The following NOL7 variants were observed in gnomAD, a reference collection of about 807,000 sequenced individuals.
The protein encoded by NOL7 is nucleolar protein 7.
A neutral mutation model predicts 38.4 loss-of-function variants in NOL7; 36 were observed. The observed-to-expected ratio is 0.94, with a 90% CI of 0.72 to 1.24. The LOEUF (loss-of-function observed/expected upper bound fraction) is 1.24. Among genes scored for constraint, NOL7 ranks in the 50% most tolerant of loss-of-function variants. NOL7 has a pLI of 0.00. For synonymous variants in NOL7, 142 were observed against 126.5 expected (o/e 1.12, Z -0.82); for missense variants, 350 against 315.1 (o/e 1.11, Z -0.84).
Position 13,620,432 on chromosome 6 carries a change from A to G in NOL7, c.647A>G (p.Asn216Ser), listed in dbSNP as rs376188783. 247 of 1,614,014 alleles carry G rather than the reference A, an allele frequency of 1.5e-4. No individual in the cohort carries two copies. Among genetic ancestry groups the G allele is most frequent in the Non-Finnish European group, 2.0e-4 (234 of 1,179,984 alleles). The change falls in exon 7 of 8, where the codon AAC (asparagine) becomes AGC (serine). Residue 216 changes from asparagine to serine, a missense_variant. Transcript: ENST00000451315. ...TTVNKFLSLA[N>S]KRLPVKRAAV... is the part of the protein sequence containing the mutation. ...GTAAATAAGTTCCTGTCTCTTGCCA[A>G]CAAGAGGTTACCAGTGAAAAGAGCT... is the stretch of plus-strand genomic sequence containing the variant.
downstream of NOL7, among the ~76,000 whole-genome samples, chr6:13,623,808 T>A (rs1764526274): frequency 1.3e-5 from 2 of 152,172 alleles, no homozygotes; most frequent in African/African-American, 4.8e-5. Context: ...ATTAATAAGA[T>A]TAAGCACTAT....
intron 3 of NOL7, among the ~76,000 whole-genome samples, 171 bp downstream of exon 3, chr6:13,616,692 T>C (rs772410816): frequency 6.6e-6 from 1 of 152,228 alleles, no homozygotes; most frequent in Non-Finnish European, 1.5e-5. Flanking sequence ...CTACTTCTTA[T>C]TTTACCATTT....
At position 13,617,753 on chromosome 6, in the gene NOL7, T is replaced by C; in HGVS notation, c.387-17T>C. On this transcript the variant is annotated splice_polypyrimidine_tract_variant and intron_variant, in intron 3 of 7. Transcript: ENST00000451315. ...TTTACTGCCATTGCAGTCAGTGGTTTTGTTTTTTTTCCTTAGCATCAAGAA... is the reference window on the plus strand; with the variant it reads ...TTTACTGCCATTGCAGTCAGTGGTTCTGTTTTTTTTCCTTAGCATCAAGAA... The C allele has an allele frequency of 6.2e-7, 1 of 1,612,562 alleles. No individual in the cohort carries two copies. Among genetic ancestry groups the C allele is most frequent in the Non-Finnish European group, 8.5e-7 (1 of 1,178,802 alleles).
intron 5 of NOL7, 100 bp from the exon 6 acceptor site, chr6:13,620,108 C>T (rs1433482146): frequency 9.0e-6 from 12 of 1,329,106 alleles, no homozygotes; most frequent in East Asian, 4.9e-5. Flanking sequence ...GAGCTGAGAT[C>T]GCGCAGCCTG....
downstream of NOL7, chr6:13,622,440 G>A (rs1764478091): frequency 3.7e-6 from 6 of 1,603,194 alleles, no homozygotes; most frequent in Non-Finnish European, 5.1e-6. Context: ...GACATTGTGT[G>A]GCCTGTCCCA....
Position 13,620,442 on chromosome 6 carries a change from AC to A in NOL7, c.659del (p.Pro220GlnfsTer2). Reference sequence around the variant, plus strand: ...TCCTGTCTCTTGCCAACAAGAGGTTACCAGTGAAAAGAGCTGCTGTCCAGTT... The same window carrying A: ...TCCTGTCTCTTGCCAACAAGAGGTTACAGTGAAAAGAGCTGCTGTCCAGTT... ...KFLSLANKRL[P>X]VKRAAVQFLN... is the part of the protein sequence containing the mutation. On this transcript the variant is annotated frameshift_variant, in exon 7 of 8. Coordinates refer to ENST00000451315, the MANE Select transcript of NOL7 (RefSeq NM_016167.5). LOFTEE classifies it high-confidence loss of function. 1 of 1,614,138 alleles carries A rather than the reference AC, an allele frequency of 6.2e-7. No individual in the cohort carries two copies. Among genetic ancestry groups the A allele is most frequent in the Non-Finnish European group, 8.5e-7 (1 of 1,179,988 alleles).
At chr6:13,628,215 A>G (rs1764676664) in intron 8 of NOL7, among the ~76,000 whole-genome samples, 1 of 152,218 alleles carries the variant, frequency 6.6e-6, no homozygotes. Flanking sequence ...AAATGTTAAG[A>G]AGAAAAAACA....
Position 13,620,393 on chromosome 6 carries a change from ACCT to A in NOL7, c.623-14_623-12del, listed in dbSNP as rs775658900. The A allele has an allele frequency of 3.0e-5, 49 of 1,613,898 alleles. No individual in the cohort carries two copies. The African/African-American group carries it at 5.9e-4, about 19-fold the overall frequency. On this transcript the variant is annotated splice_polypyrimidine_tract_variant and intron_variant, in intron 6 of 7. Transcript: ENST00000451315. ...CAAATAAAACTGTGAAATGATAAATACCTTTCTTTTCTAGTAAATAAGTTCCTG... is the reference window on the plus strand; with the variant it reads ...CAAATAAAACTGTGAAATGATAAATATTCTTTTCTAGTAAATAAGTTCCTG...
At chr6:13,629,915 CTCTCTCGTGT>C (rs752669191) in intron 8 of NOL7, among the ~76,000 whole-genome samples, 35 of 126,346 alleles carry the variant, frequency 2.8e-4, no homozygotes, top group South Asian at 1.2e-3. Flanking sequence ...CTCTCTCTCT[CTCTCTCGTGT>C]GTGTGTGTGT....
chr6:13,622,542 A>T (rs753163352), downstream of NOL7: 45 of 1,497,858 alleles, frequency 3.0e-5, no homozygotes, highest in Non-Finnish European at 3.9e-5. Context: ...AAGACATTTT[A>T]AAAAACATTT....
At chr6:13,627,729 C>T (rs1236466253) in intron 8 of NOL7, among the ~76,000 whole-genome samples, 1 of 151,706 alleles carries the variant, frequency 6.6e-6, no homozygotes. Flanking sequence ...GGTACCATAC[C>T]CATAGTACAG....
chr6:13,617,948 A>T, intron 4 of NOL7, 110 bp from the exon 5 acceptor site: 1 of 989,998 alleles, frequency 1.0e-6, no homozygotes. Flanking sequence ...TCATACAAAT[A>T]AAAACTGCAT....
intron 2 of NOL7, among the ~76,000 whole-genome samples, chr6:13,616,018 A>ATGTC (rs2127753437): frequency 6.6e-6 from 1 of 152,252 alleles, no homozygotes; most frequent in Admixed American, 6.5e-5. Flanking sequence ...CCTGGGCGAC[A>ATGTC]GAGCGAGACC....
chr6:13,616,127 G>C (rs1227451937), intron 2 of NOL7, among the ~76,000 whole-genome samples: 2 of 152,244 alleles, frequency 1.3e-5, no homozygotes, highest in African/African-American at 4.8e-5. Flanking sequence ...AACTGTAAGG[G>C]CTGTACAGAC....
downstream of NOL7, among the ~76,000 whole-genome samples, chr6:13,624,715 G>A (rs997120355): frequency 6.6e-6 from 1 of 152,096 alleles, no homozygotes; most frequent in Non-Finnish European, 1.5e-5. Flanking sequence ...AACGAACATC[G>A]AATTAGCGTT....
rs1238299299 is a variant in NOL7 at position 13,629,195 on chromosome 6, C to G, written n.574-3198C>G. Among the ~76,000 whole-genome samples the G allele has an allele frequency of 3.3e-5, 5 of 152,258 alleles. No homozygotes were observed. In the East Asian group the frequency reaches 9.6e-4, roughly 29 times the overall value. The stretch of plus-strand genomic sequence containing the variant: ...GTGCAATCACAGCTCACTGCAGCCT[C>G]GAGCTTCTGGGCTCAAGCAATCCTC... On this transcript the variant is annotated intron_variant and non_coding_transcript_variant, in intron 8 of 8. Coordinates refer to the NOL7 transcript ENST00000474485.
At chr6:13,617,974 G>A (rs112933240) in intron 4 of NOL7, 84 bp from the exon 5 acceptor site, 53 of 974,340 alleles carry the variant, frequency 5.4e-5, no homozygotes, top group Non-Finnish European at 8.0e-5. Context: ...TTGGTGTGTA[G>A]TGGATGCTTA....
chr6:13,618,000 A>C, intron 4 of NOL7, 58 bp from the exon 5 acceptor site: 1 of 1,102,664 alleles, frequency 9.1e-7, no homozygotes, highest in Non-Finnish European at 1.4e-6. Context: ...AACTCCAGTA[A>C]ATTTCCTGAT....
downstream of NOL7, among the ~76,000 whole-genome samples, chr6:13,622,765 T>G (rs1015532661): frequency 6.6e-6 from 1 of 152,164 alleles, no homozygotes; most frequent in Admixed American, 6.5e-5. Flanking sequence ...CCATATTAAC[T>G]ATGATGGGAA....
Sources: gnomAD v4.1 joint callset for allele counts (sites outside exome capture counted in the v4.1 genomes callset) on GRCh38, gnomAD v4.1.1 for gene constraint, MANE v1.5 for transcripts, NCBI Gene and HGNC (gene_info 2026-07-23, HGNC 2026-07-21) for gene names.